The following ASPG variants were observed in gnomAD, a reference collection of about 807,000 sequenced individuals.
ASPG encodes 60 kDa lysophospholipase.
A neutral mutation model predicts 63.2 loss-of-function variants in ASPG; 53 were observed. The observed-to-expected ratio is 0.84, with a 90% CI of 0.67 to 1.05. ASPG has a LOEUF of 1.05. ASPG is among the 50% of genes least tolerant of loss of function. The pLI is 0.00. For synonymous variants in ASPG, 370 were observed against 355.0 expected, an observed-to-expected ratio of 1.04 and a Z score of -0.48; for missense variants, 741 against 794.4, an observed-to-expected ratio of 0.93 and a Z score of 0.81.
intron 1 of ASPG, 67 bp downstream of exon 1, chr14:104,085,919 C>T (rs867853367): frequency 7.0e-7 from 1 of 1,432,776 alleles, no homozygotes; most frequent in African/African-American, 1.5e-5. Context: ...TCGGACCCTC[C>T]TGCACCCACG....
At chr14:104,106,655 A>G (rs1037250933) in intron 10 of ASPG, 144 bp from the exon 11 acceptor site, 3 of 717,080 alleles carry the variant, frequency 4.2e-6, no homozygotes, top group Non-Finnish European at 6.9e-6. Flanking sequence ...CCGATGTGGC[A>G]GCTCAGGTTC....
Position 104,112,796 on chromosome 14 carries a change from GGT to G in ASPG, c.*253_*254del. On this transcript the variant is annotated 3_prime_UTR_variant, in exon 16 of 16. Transcript: ENST00000551177. ...GGGGAGTCAGGCCCAGGCTCTGTGGGGTCTCTGCGGGGGTCACTTGGCCCATC... is the reference window on the plus strand; with the variant it reads ...GGGGAGTCAGGCCCAGGCTCTGTGGGCTCTGCGGGGGTCACTTGGCCCATC... 1 of 736,348 alleles carries G rather than the reference GGT, an allele frequency of 1.4e-6. No homozygotes were observed. The highest frequency in any genetic ancestry group is 2.1e-6 in the Non-Finnish European group (1 of 470,226). The allele number at this position is 736,348 out of a possible 1,614,324, so 45.6% of individuals were successfully genotyped here.
rs2037420240 is a variant in ASPG, at chr14:104,112,947, C to T, written c.*403C>T. On this transcript the variant is annotated 3_prime_UTR_variant, in exon 16 of 16. Coordinates refer to ENST00000551177, the MANE Select transcript of ASPG (RefSeq NM_001080464.3). The stretch of plus-strand genomic sequence containing the variant: ...CACCCTGCCTTTGCCCAGGCTGGTC[C>T]CTCCTCCAGACACCCTCTGCCCATC... The T allele has an allele frequency of 3.2e-6, 1 of 307,902 alleles. No individual in the cohort carries two copies. Among genetic ancestry groups the T allele is most frequent in the Non-Finnish European group, 6.3e-6 (1 of 157,934 alleles). 19.1% of individuals were successfully genotyped at this position (307,902 alleles called of 1,614,324 possible).
chr14:104,107,479 C>CGGG, intron 12 of ASPG, 134 bp downstream of exon 12: 1 of 912,844 alleles, frequency 1.1e-6, no homozygotes, highest in Non-Finnish European at 1.5e-6. Context: ...AGGCTGCCCC[C>CGGG]GCAGCCCGGG....
chr14:104,111,051 G>A (rs1163280027), intron 13 of ASPG: 1 of 985,340 alleles, frequency 1.0e-6, no homozygotes, highest in Non-Finnish European at 1.2e-6. Context: ...CACCTTTGCG[G>A]ACCCCGCCCC....
rs2140967200 is a variant in ASPG, at chr14:104,085,796, G to A, written c.26G>A (p.Arg9Gln). The change falls in exon 1 of 16, where the codon CGG (arginine) becomes CAG (glutamine). Residue 9 changes from arginine (R) to glutamine (Q), a missense_variant. Transcript: ENST00000551177. ...ATGGCGCGCGCGGTGGGGCCCGAGCGGAGGCTGCTGGCCGTCTACACCGGC... is the reference window on the plus strand; with the variant it reads ...ATGGCGCGCGCGGTGGGGCCCGAGCAGAGGCTGCTGGCCGTCTACACCGGC... MARAVGPE[R>Q]RLLAVYTGGT... 6.3e-7 allele frequency: 1 copy of A among 1,588,724 alleles called. No individual in the cohort carries two copies. The highest frequency in any genetic ancestry group is 1.4e-5 in the African/African-American group (1 of 72,940).
chr14:104,106,902 TC>T lies in ASPG; in HGVS notation c.1269+13del. On this transcript the variant is annotated intron_variant, in intron 11 of 15. Transcript: ENST00000551177. ...CAGGCGCTTGTGGAGCTGGTGAGCC[TC>T]CCCCACCCTGGGGGCCCAGCCCCAG... is the stretch of plus-strand genomic sequence containing the variant. 1.3e-6 allele frequency: 2 copies of T among 1,563,468 alleles called. No homozygotes were observed. Among genetic ancestry groups the T allele is most frequent in the Non-Finnish European group, 8.6e-7 (1 of 1,158,182 alleles).
At position 104,104,485 on chromosome 14, in the gene ASPG, T is replaced by A. The variant is rs1418973273; in HGVS notation, c.935T>A (p.Met312Lys). The change falls in exon 8 of 16, where the codon ATG becomes AAG. Residue 312 changes from methionine (M) to lysine (K), a missense_variant and splice_region_variant. By Grantham distance (95) the Met-to-Lys change is moderately conservative. Transcript: ENST00000551177. ...GAVTTDYAAG[M>K]AMAGAGVISG... Reference sequence around the variant, plus strand: ...GTGACCACAGACTATGCAGCTGGCATGGTAGTGCCGGGAGATCAGGGCCTA... The same window carrying A: ...GTGACCACAGACTATGCAGCTGGCAAGGTAGTGCCGGGAGATCAGGGCCTA... 4.3e-6 allele frequency: 7 copies of A among 1,611,628 alleles called. No homozygotes were observed. Among genetic ancestry groups the A allele is most frequent in the Non-Finnish European group, 5.9e-6 (7 of 1,179,170 alleles).
Position 104,098,208 on chromosome 14 carries a change from T to A in ASPG, c.513+571T>A, listed in dbSNP as rs1020142897. ...TAGAGATGCGTATGGAGGTTTTACG[T>A]TAGAGATACGTATGGAGGTTTTACA... On this transcript the variant is annotated intron_variant, in intron 5 of 15. Transcript: ENST00000551177. 9.7e-4 allele frequency among the ~76,000 whole-genome samples: 148 copies of A among 152,142 alleles called. 4 individuals are homozygous for A. Among genetic ancestry groups the A allele is most frequent in the South Asian group, 1.0e-3 (5 of 4,816 alleles).
At chr14:104,088,273 G>A (rs1168306551) in intron 1 of ASPG, among the ~76,000 whole-genome samples, 1 of 152,162 alleles carries the variant, frequency 6.6e-6, no homozygotes, top group African/African-American at 2.4e-5. Flanking sequence ...GGTAAACAGT[G>A]ACCTGTGGGT....
Position 104,114,861 on chromosome 14 carries a change from C to T in ASPG, c.*2317C>T, listed in dbSNP as rs1470326604. The T allele has an allele frequency of 1.3e-5, 2 of 152,270 alleles. No homozygotes were observed. The highest frequency in any genetic ancestry group is 2.9e-5 in the Non-Finnish European group (2 of 68,082). 9.4% of individuals were successfully genotyped at this position (152,270 alleles called of 1,614,324 possible). ...GAGTGGCCCCGTCCTGCGCCCAGGG[C>T]TCTGCGTTGGCACAGGGCAGAGCTG... On this transcript the variant is annotated 3_prime_UTR_variant, in exon 16 of 16. Coordinates refer to ENST00000551177, the MANE Select transcript of ASPG (RefSeq NM_001080464.3).
intron 7 of ASPG, 129 bp downstream of exon 7, chr14:104,103,804 A>G (rs986029164): frequency 2.7e-6 from 2 of 734,612 alleles, no homozygotes; most frequent in Non-Finnish European, 4.4e-6. Context: ...AGATGTCTGC[A>G]GTGTGGCCCC....
At chr14:104,111,722 C>T (rs1459126747) in intron 14 of ASPG, 121 bp downstream of exon 14, 6 of 912,828 alleles carry the variant, frequency 6.6e-6, no homozygotes, top group South Asian at 6.4e-5. Context: ...AAATGCCTGG[C>T]CCTCCCCATG....
rs76535959 is a variant in ASPG, at chr14:104,095,599, G to C, written c.372G>C (p.Ser124=). ...CCGACACCATGGCCTTTGCTGCCTC[G>C]ATGCTGTCCTTCATGCTGGAGAACC... ...HGTDTMAFAA[S]MLSFMLENLQ... is the part of the protein sequence containing the mutation. Residue 124 remains serine (S), a synonymous_variant, in exon 4 of 16, where the codon TCG becomes TCC. Transcript: ENST00000551177. The C allele has an allele frequency of 5.5e-4, 894 of 1,613,208 alleles. 2 individuals are homozygous for C. The African/African-American group carries it at 0.011, about 19-fold the overall frequency.
At chr14:104,095,347 G>A (rs1177508503) in intron 3 of ASPG, among the ~76,000 whole-genome samples, 184 bp from the exon 4 acceptor site, 1 of 152,144 alleles carries the variant, frequency 6.6e-6, no homozygotes, top group Non-Finnish European at 1.5e-5. Flanking sequence ...GGCAGGGAGA[G>A]CGTGGGAGTC....
chr14:104,109,960 G>A lies in ASPG; in HGVS notation c.1520+645G>A, dbSNP rs1295250696. The A allele has an allele frequency of 1.0e-6, 1 of 985,258 alleles. No homozygotes were observed. The highest frequency in any genetic ancestry group is 1.1e-4 in the East Asian group (1 of 8,830). The allele number at this position is 985,258 out of a possible 1,614,324, so 61.0% of individuals were successfully genotyped here. ...GCGCAGGGAGGCCTTCGGCGAGGGTGTCGGTTGTGGGTGGAGGTGGGCCAG... is the reference window on the plus strand; with the variant it reads ...GCGCAGGGAGGCCTTCGGCGAGGGTATCGGTTGTGGGTGGAGGTGGGCCAG... On this transcript the variant is annotated intron_variant, in intron 13 of 15. Transcript: ENST00000551177. The surrounding 1 kb of genome is among the most constrained non-coding windows in gnomAD (Gnocchi z 4.8).
At position 104,092,697 on chromosome 14, in the gene ASPG, G is replaced by A. The variant is rs1479180922; in HGVS notation, c.147G>A (p.Glu49=). 6 of 1,537,736 alleles carry A rather than the reference G, an allele frequency of 3.9e-6. No individual in the cohort carries two copies. The Admixed American group carries it at 9.8e-5, about 25-fold the overall frequency. The change falls in exon 2 of 16, where the codon GAG becomes GAA. Residue 49 remains glutamate, a synonymous_variant. Coordinates refer to ENST00000551177, the MANE Select transcript of ASPG (RefSeq NM_001080464.3). ...LRTLPMFHDE[E]HARARGLSED... Reference sequence around the variant, plus strand: ...CACTGCCCATGTTCCATGACGAGGAGCACGCCCGAGCCCGCGGCCTCTCTG... The same window carrying A: ...CACTGCCCATGTTCCATGACGAGGAACACGCCCGAGCCCGCGGCCTCTCTG...
chr14:104,096,555 G>A (rs2036603347), intron 4 of ASPG, among the ~76,000 whole-genome samples: 1 of 152,148 alleles, frequency 6.6e-6, no homozygotes, highest in Non-Finnish European at 1.5e-5. Flanking sequence ...GGAGGGACAG[G>A]GCTCCAGCTG....
Position 104,110,161 on chromosome 14 carries a change from G to A in ASPG, c.1520+846G>A, listed in dbSNP as rs2037326954. 3 of 985,298 alleles carry A rather than the reference G, an allele frequency of 3.0e-6. No homozygotes were observed. The highest frequency in any genetic ancestry group is 3.6e-6 in the Non-Finnish European group (3 of 829,890). 61.0% of individuals were successfully genotyped at this position (985,298 alleles called of 1,614,324 possible). ...GGCAGGAGACCTGGGCCGGGTGCAG[G>A]TGGTGGCTGGGGTGGGGGTGCTGTG... On this transcript the variant is annotated intron_variant, in intron 13 of 15. Transcript: ENST00000551177. The surrounding 1 kb of genome is among the most constrained non-coding windows in gnomAD (Gnocchi z 4.7).
Sources: gnomAD v4.1 joint callset for allele counts (sites outside exome capture counted in the v4.1 genomes callset) on GRCh38, gnomAD v4.1.1 for gene constraint, Gnocchi (gnomAD v3.1) non-coding constraint, MANE v1.5 for transcripts, NCBI Gene and HGNC (gene_info 2026-07-23, HGNC 2026-07-21) for gene names.